Variants in ZIM2 observed in about 807,000 individuals in gnomAD.
The protein encoded by ZIM2 is zinc finger imprinted 2, also known as zinc finger protein 656.
ZIM2 carries 14 observed loss-of-function variants against 38.6 expected under a neutral mutation model. The observed-to-expected ratio is 0.36, with a 90% confidence interval of 0.24 to 0.57. The LOEUF is 0.57. ZIM2 is among the 20% of genes least tolerant of loss of function. The pLI is 0.81. For synonymous variants in ZIM2, 247 were observed against 245.8 expected, an observed-to-expected ratio of 1.00 and a Z score of -0.04; for missense variants, 680 against 695.1, an observed-to-expected ratio of 0.98 and a Z score of 0.24.
chr19:56,797,814 CA>C (rs1434525320), intron 9 of ZIM2, among the ~76,000 whole-genome samples: 1 of 152,142 alleles, frequency 6.6e-6, no homozygotes, highest in East Asian at 1.9e-4. Flanking sequence ...CTACCTGAGA[CA>C]GGGTGCCAGT....
intron 9 of ZIM2, chr19:56,811,043 A>G: frequency 1.0e-6 from 1 of 981,440 alleles, no homozygotes; most frequent in Non-Finnish European, 1.2e-6. Flanking sequence ...CTGTGCACAG[A>G]AACAAGAATG....
intron 2 of ZIM2, among the ~76,000 whole-genome samples, chr19:56,828,238 C>T (rs973501501): frequency 6.6e-6 from 1 of 152,132 alleles, no homozygotes; most frequent in Admixed American, 6.5e-5. Flanking sequence ...TGGCCATTAG[C>T]AGGTACATGA....
intron 9 of ZIM2, chr19:56,810,165 C>A: frequency 1.0e-6 from 1 of 980,752 alleles, no homozygotes; most frequent in South Asian, 4.7e-5. Flanking sequence ...AACCTGTGCA[C>A]AGAAACAAGA....
chr19:56,815,667 G>A (rs1282843905), intron 9 of ZIM2: 4 of 1,613,978 alleles, frequency 2.5e-6, no homozygotes, highest in Non-Finnish European at 3.4e-6. Flanking sequence ...CATTTGAGCT[G>A]GGAACAGAGA....
chr19:56,811,919 C>T (rs921257854), intron 9 of ZIM2: 2 of 985,100 alleles, frequency 2.0e-6, no homozygotes, highest in Non-Finnish European at 2.4e-6. Context: ...ATTAGGACTC[C>T]CTTCTTTGAC....
chr19:56,822,844 G>A lies in ZIM2; in HGVS notation c.107-8C>T, dbSNP rs924767850. ...GGTCCCAGTCCCGGTCACCTAAGCAGGTGAGACATTCCAGTGGTTAACAAA... is the reference window on the plus strand; with the variant it reads ...GGTCCCAGTCCCGGTCACCTAAGCAAGTGAGACATTCCAGTGGTTAACAAA... On this transcript the variant is annotated splice_region_variant and splice_polypyrimidine_tract_variant and intron_variant, in intron 5 of 12. Transcript: ENST00000629319. 4 of 1,612,258 alleles carry A rather than the reference G, an allele frequency of 2.5e-6. No individual in the cohort carries two copies. The highest frequency in any genetic ancestry group is 1.3e-5 in the African/African-American group (1 of 74,880).
intron 9 of ZIM2, among the ~76,000 whole-genome samples, chr19:56,794,919 T>C (rs939689611): frequency 2.0e-5 from 3 of 152,240 alleles, no homozygotes; most frequent in Non-Finnish European, 1.5e-5. Flanking sequence ...TTGAAAAATA[T>C]ATCATTTTAT....
At chr19:56,817,125 A>T (rs2060048406) in intron 9 of ZIM2, 8 of 1,614,008 alleles carry the variant, frequency 5.0e-6, no homozygotes, top group Non-Finnish European at 6.8e-6. Flanking sequence ...GTGACTCGGT[A>T]AAGGAGGGGG....
chr19:56,804,242 T>A (rs1420961840), intron 9 of ZIM2, among the ~76,000 whole-genome samples: 1 of 152,162 alleles, frequency 6.6e-6, no homozygotes, highest in Non-Finnish European at 1.5e-5. Context: ...TTTAAATACC[T>A]CCTGATCTTC....
intron 2 of ZIM2, chr19:56,833,039 A>C: frequency 4.9e-6 from 2 of 411,912 alleles, no homozygotes; most frequent in Non-Finnish European, 4.9e-6. Context: ...CATGGCTTTA[A>C]TCAGAGAAAT....
chr19:56,836,079 AAG>A lies in ZIM2; in HGVS notation c.-290_-289del. On this transcript the variant is annotated 5_prime_UTR_variant, in exon 2 of 13. Transcript: ENST00000629319. ...CTTCCTCTCGCCAGTCGTCTCCAAG[AAG>A]GACGGAAGATCAAGAAGGCAAAGCT... is the stretch of plus-strand genomic sequence containing the variant. The A allele has an allele frequency of 6.0e-6, 3 of 499,554 alleles. No individual in the cohort carries two copies. 30.9% of individuals were successfully genotyped at this position (499,554 alleles called of 1,614,324 possible).
At chr19:56,825,350 C>T (rs2060917885) in intron 3 of ZIM2, among the ~76,000 whole-genome samples, 1 of 152,208 alleles carries the variant, frequency 6.6e-6, no homozygotes, top group Non-Finnish European at 1.5e-5. Context: ...TGAGAAGTGA[C>T]CATTGAGCCT....
At chr19:56,836,953 G>A (rs2062185339) in intron 1 of ZIM2, among the ~76,000 whole-genome samples, 1 of 138,764 alleles carries the variant, frequency 7.2e-6, no homozygotes, top group African/African-American at 2.8e-5. Context: ...CTGGGTGAGA[G>A]GGCCAGACTC....
At chr19:56,839,941 T>G (rs965801747) in intron 1 of ZIM2, among the ~76,000 whole-genome samples, 1 of 152,206 alleles carries the variant, frequency 6.6e-6, no homozygotes, top group African/African-American at 2.4e-5. Flanking sequence ...CCGCCCTTAT[T>G]TAAGATACCG....
intron 9 of ZIM2, chr19:56,813,161 A>G: frequency 1.0e-6 from 1 of 982,292 alleles, no homozygotes; most frequent in Non-Finnish European, 1.2e-6. Flanking sequence ...GATCTAAGAC[A>G]CTTAAAAATA....
At chr19:56,839,155 GAACA>G (rs2062620096) in intron 1 of ZIM2, among the ~76,000 whole-genome samples, 1 of 151,700 alleles carries the variant, frequency 6.6e-6, no homozygotes, top group African/African-American at 2.4e-5. Flanking sequence ...GGTGGGGCTT[GAACA>G]AACCACTAGG....
intron 9 of ZIM2, among the ~76,000 whole-genome samples, chr19:56,807,931 A>G (rs931074942): frequency 6.6e-6 from 1 of 152,256 alleles, no homozygotes; most frequent in African/African-American, 2.4e-5. Flanking sequence ...AATAGTGAGT[A>G]AAGAGTTATC....
In ZIM2 at chr19:56,814,956, C is replaced by A; in HGVS notation, c.490+2790G>T. On this transcript the variant is annotated intron_variant, in intron 9 of 12. Coordinates refer to ENST00000629319, the MANE Select transcript of ZIM2 (RefSeq NM_001387356.1). The surrounding 1 kb of genome is among the most constrained non-coding windows in gnomAD (Gnocchi z 5.8). ...ATTCCCCACACTTTGGACATTCATA[C>A]AGCTGCTCTCCAGTGTAATCTCTCT... 6.2e-7 allele frequency: 1 copy of A among 1,614,106 alleles called. No individual in the cohort carries two copies. The highest frequency in any genetic ancestry group is 8.5e-7 in the Non-Finnish European group (1 of 1,179,980).
intron 10 of ZIM2, among the ~76,000 whole-genome samples, chr19:56,789,148 G>A (rs930921287): frequency 4.6e-5 from 7 of 151,968 alleles, no homozygotes; most frequent in Non-Finnish European, 1.0e-4. Context: ...ACATAAGTAT[G>A]TCTTAAATAT....
Sources: allele counts gnomAD v4.1 joint callset (sites outside exome capture counted in the v4.1 genomes callset), GRCh38; gene constraint gnomAD v4.1.1; non-coding constraint Gnocchi (gnomAD v3.1); transcripts MANE v1.5; gene names NCBI Gene and HGNC (gene_info 2026-07-23, HGNC 2026-07-21).